GUSB: variants seen among roughly 807,000 people sequenced by gnomAD.
GUSB encodes beta-glucuronidase.
In GUSB, 51 loss-of-function variants were observed where a neutral mutation model predicts 74.6. That is an observed-to-expected ratio of 0.68 (90% CI 0.55 to 0.86). The LOEUF (loss-of-function observed/expected upper bound fraction) is 0.86, where lower values mean the gene tolerates loss of function less well. Among genes scored for constraint, GUSB ranks in the 40% least tolerant of loss-of-function variants. GUSB has a pLI of 0.00. For missense variants in GUSB, 736 were observed against 853.7 expected (o/e 0.86, Z 1.72); for synonymous variants, 360 against 348.3 (o/e 1.03, Z -0.37).
At position 65,960,823 on chromosome 7, in the gene GUSB, A is replaced by G. The variant is rs1231298434; in HGVS notation, c.*74T>C. ...TCTGGTCTGCCGTGAACAGTCCAGG[A>G]GGCACTTGTTCTGCTGCTGTGGAAG... is the stretch of plus-strand genomic sequence containing the variant. On this transcript the variant is annotated 3_prime_UTR_variant, in exon 12 of 12. Coordinates refer to ENST00000304895, the MANE Select transcript of GUSB (RefSeq NM_000181.4). 8.1e-7 allele frequency: 1 copy of G among 1,231,978 alleles called. No individual in the cohort carries two copies. Among genetic ancestry groups the G allele is most frequent in the Non-Finnish European group, 1.2e-6 (1 of 832,022 alleles). 76.3% of individuals were successfully genotyped at this position (1,231,978 alleles called of 1,614,324 possible). A position where few individuals can be genotyped will look rare whatever the true frequency, so the allele number is the denominator to read the frequency against.
rs754908402 is a variant in GUSB at position 65,960,876 on chromosome 7, C to G, written c.*21G>C. ...GCCCTGACTCGGGGAGGAAGGGACA[C>G]GCAGGTGGTATCAGTCTTGCTCAAG... On this transcript the variant is annotated 3_prime_UTR_variant, in exon 12 of 12. Coordinates refer to ENST00000304895, the MANE Select transcript of GUSB (RefSeq NM_000181.4). 6.2e-7 allele frequency: 1 copy of G among 1,609,456 alleles called. No homozygotes were observed. Among genetic ancestry groups the G allele is most frequent in the South Asian group, 1.1e-5 (1 of 90,974 alleles).
intron 1 of GUSB, chr7:65,980,672 C>A: frequency 1.9e-6 from 1 of 514,600 alleles, no homozygotes; most frequent in South Asian, 2.0e-5. Flanking sequence ...CACATCCCAG[C>A]CAGAGGCAAG....
chr7:65,970,692 T>C (rs1022174602), intron 8 of GUSB, among the ~76,000 whole-genome samples: 2 of 151,768 alleles, frequency 1.3e-5, no homozygotes, highest in Non-Finnish European at 2.9e-5. Flanking sequence ...AGGAGATCGA[T>C]ACCATCCTAA....
At position 65,961,067 on chromosome 7, in the gene GUSB, C is replaced by CAA. The variant is rs750022485; in HGVS notation, c.1790-6_1790-5dup. 2.5e-4 allele frequency: 364 copies of CAA among 1,452,966 alleles called. No individual in the cohort carries two copies. Among genetic ancestry groups the CAA allele is most frequent in the Admixed American group, 4.3e-4 (23 of 53,522 alleles). 90.0% of individuals were successfully genotyped at this position (1,452,966 alleles called of 1,614,324 possible). On this transcript the variant is annotated splice_polypyrimidine_tract_variant and splice_region_variant and intron_variant, in intron 11 of 11. Transcript: ENST00000304895. ...TTCCCCAGCACTCTCGTCGGTGCTA[C>CAA]AAAAAAAAAAAAAAGACACAAAGCG... is the stretch of plus-strand genomic sequence containing the variant.
chr7:65,976,331 A>T (rs574079516), intron 4 of GUSB, 129 bp from the exon 5 acceptor site: 253 of 562,742 alleles, frequency 4.5e-4, no homozygotes, highest in Middle Eastern at 3.0e-3. Flanking sequence ...TTAATTTCTT[A>T]TTTTTTTTTT....
In GUSB at chr7:65,979,696, G is replaced by A. The variant is rs376583332; in HGVS notation, c.581+31C>T. The A allele has an allele frequency of 4.1e-4, 660 of 1,605,680 alleles. 2 individuals carry two copies. The highest frequency in any genetic ancestry group is 7.4e-4 in the South Asian group (67 of 90,910). On this transcript the variant is annotated intron_variant, in intron 3 of 11. Coordinates refer to ENST00000304895, the MANE Select transcript of GUSB (RefSeq NM_000181.4). ...ACCACAGGGTGGGGCGGGAAGGTGGGTGTGTGCAATGGAGGCAGGATGGTA... is the reference window on the plus strand; with the variant it reads ...ACCACAGGGTGGGGCGGGAAGGTGGATGTGTGCAATGGAGGCAGGATGGTA...
chr7:65,980,625 G>T, intron 1 of GUSB: 1 of 591,284 alleles, frequency 1.7e-6, no homozygotes, highest in Admixed American at 2.8e-5. Context: ...GAGTGGATGG[G>T]GCACAATATC....
intron 5 of GUSB, chr7:65,975,519 GA>G (rs1439875108): frequency 8.0e-6 from 2 of 250,868 alleles, no homozygotes; most frequent in African/African-American, 4.5e-5. Context: ...CGAGTGGCTG[GA>G]ATTACAGGTG....
chr7:65,966,597 A>G (rs1372733388), intron 10 of GUSB, among the ~76,000 whole-genome samples: 3 of 152,122 alleles, frequency 2.0e-5, no homozygotes, highest in Non-Finnish European at 4.4e-5. Context: ...GTTCTAGACC[A>G]GCCTGATAGA....
At chr7:65,973,326 C>T (rs558692024) in intron 8 of GUSB, among the ~76,000 whole-genome samples, 1 of 152,290 alleles carries the variant, frequency 6.6e-6, no homozygotes, top group East Asian at 1.9e-4. Context: ...TGGTAGCTCA[C>T]GCCTGTAATC....
At chr7:65,978,101 C>A (rs536908971) in intron 4 of GUSB, among the ~76,000 whole-genome samples, 1 of 152,228 alleles carries the variant, frequency 6.6e-6, no homozygotes, top group East Asian at 1.9e-4. Flanking sequence ...TGAGCCACCG[C>A]GCCCGCCCTG....
intron 5 of GUSB, chr7:65,975,806 A>C: frequency 1.9e-6 from 1 of 518,996 alleles, no homozygotes; most frequent in Non-Finnish European, 3.4e-6. Context: ...AGCTGTGATC[A>C]GGCCATTGCA....
rs577269089 is a variant in GUSB at position 65,982,203 on chromosome 7, G to C, written c.-20C>G. The C allele has an allele frequency of 3.3e-6, 5 of 1,493,442 alleles. No homozygotes were observed. In the East Asian group the frequency reaches 1.3e-4, roughly 40 times the overall value. 92.5% of individuals were successfully genotyped at this position (1,493,442 alleles called of 1,614,324 possible). ...GGCCATGCTTCCCGGTCCCCCGCTCGGCCACCGTCTGCGGCGCTAAGAAAA... is the reference window on the plus strand; with the variant it reads ...GGCCATGCTTCCCGGTCCCCCGCTCCGCCACCGTCTGCGGCGCTAAGAAAA... On this transcript the variant is annotated 5_prime_UTR_variant, in exon 1 of 12. Coordinates refer to ENST00000304895, the MANE Select transcript of GUSB (RefSeq NM_000181.4).
At chr7:65,965,132 A>G (rs1213152153) in intron 10 of GUSB, among the ~76,000 whole-genome samples, 2 of 151,982 alleles carry the variant, frequency 1.3e-5, no homozygotes, top group Non-Finnish European at 2.9e-5. Flanking sequence ...CAGGCTGGGC[A>G]TGGTACCTCA....
intron 1 of GUSB, among the ~76,000 whole-genome samples, chr7:65,981,114 C>T (rs908252716): frequency 3.3e-5 from 5 of 152,048 alleles, no homozygotes; most frequent in African/African-American, 1.2e-4. Flanking sequence ...GTGGCTCATG[C>T]CAGTAATCAG....
Position 65,960,907 on chromosome 7 carries a change from A to G in GUSB, c.1946T>C (p.Leu649Pro), listed in dbSNP as rs9530. Residue 649 changes from leucine (L) to proline (P), a missense_variant, in exon 12 of 12, where the codon CTG (leucine) becomes CCG (proline). Leu to Pro is a moderately conservative substitution (Grantham distance 98). Transcript: ENST00000304895. ...TGGTATCAGTCTTGCTCAAGTAAAC[A>G]GGCTGTTTTCCAAACATTGTGACTT... ...VAKSQCLENS[L>P]FT The G allele has an allele frequency of 0.56, 906,929 of 1,612,328 alleles. 260,371 individuals are homozygous for G. The highest frequency in any genetic ancestry group is 0.87 in the East Asian group (39,221 of 44,834).
chr7:65,980,185 G>GGGGGGGGCCCCC, intron 2 of GUSB, 39 bp downstream of exon 2: 10 of 725,274 alleles, frequency 1.4e-5, no homozygotes, highest in East Asian at 2.7e-5. Flanking sequence ...CAGCAGCCGT[G>GGGGGGGGCCCCC]CCCCCCCACC....
At chr7:65,972,822 C>G (rs945931966) in intron 8 of GUSB, among the ~76,000 whole-genome samples, 4 of 152,208 alleles carry the variant, frequency 2.6e-5, no homozygotes, top group Non-Finnish European at 4.4e-5. Context: ...TCCTGCTGAG[C>G]ACACCCCTGT....
At chr7:65,969,082 T>C (rs1791031951) in intron 9 of GUSB, among the ~76,000 whole-genome samples, 1 of 152,182 alleles carries the variant, frequency 6.6e-6, no homozygotes, top group Non-Finnish European at 1.5e-5. Flanking sequence ...AACACATTTC[T>C]TTCTAGTAAA....
Sources: gnomAD v4.1 joint callset for allele counts (sites outside exome capture counted in the v4.1 genomes callset) on GRCh38, gnomAD v4.1.1 for gene constraint, MANE v1.5 for transcripts, NCBI Gene and HGNC (gene_info 2026-07-23, HGNC 2026-07-21) for gene names.